AGBL4: variants seen among roughly 807,000 people sequenced by gnomAD.
AGBL4 encodes the protein AGBL carboxypeptidase 4.
In AGBL4, 58 loss-of-function variants were observed where a neutral mutation model predicts 66.4. The observed-to-expected ratio is 0.87, with a 90% CI of 0.71 to 1.09. The LOEUF is 1.09. Among genes scored for constraint, AGBL4 ranks in the 50% least tolerant of loss-of-function variants. AGBL4 has a pLI of 0.00. For synonymous variants in AGBL4, 234 were observed against 222.9 expected (o/e 1.05, Z -0.44); for missense variants, 579 against 631.0 (o/e 0.92, Z 0.88).
At chr1:49,455,760 T>C (rs1646374417) in intron 3 of AGBL4, among the ~76,000 whole-genome samples, 1 of 151,620 alleles carries the variant, frequency 6.6e-6, no homozygotes, top group South Asian at 2.1e-4. Flanking sequence ...TATCTGCCAG[T>C]CTCTTATACC....
At chr1:49,951,164 C>T (rs1656126468) in intron 1 of AGBL4, among the ~76,000 whole-genome samples, 1 of 151,730 alleles carries the variant, frequency 6.6e-6, no homozygotes, top group Admixed American at 6.6e-5. Flanking sequence ...AGCACGGTGA[C>T]TATAGTTAAT....
chr1:48,743,605 A>C (rs1650273066), intron 6 of AGBL4, among the ~76,000 whole-genome samples: 1 of 152,228 alleles, frequency 6.6e-6, no homozygotes. Context: ...CTCCCCATGC[A>C]AACATTTCAG....
intron 8 of AGBL4, among the ~76,000 whole-genome samples, chr1:48,637,753 T>A (rs964055054): frequency 2.0e-5 from 3 of 152,226 alleles, no homozygotes; most frequent in African/African-American, 7.2e-5. Context: ...TTCGTATAAA[T>A]TCCCTTTTTG....
intron 5 of AGBL4, among the ~76,000 whole-genome samples, chr1:49,012,459 T>C (rs1662513280): frequency 6.6e-6 from 1 of 152,144 alleles, no homozygotes; most frequent in African/African-American, 2.4e-5. Flanking sequence ...CTGTGGTACA[T>C]ACTTAACATA....
Position 48,953,554 on chromosome 1 carries a change from A to G in AGBL4, c.595-86324T>C, listed in dbSNP as rs1045501657. ...TGATGAGGAAGGACTCATGAAGAAG[A>G]GTATTCAAAAGTCAGAAAATATGAC... On this transcript the variant is annotated intron_variant, in intron 5 of 13. Coordinates refer to ENST00000371839, the MANE Select transcript of AGBL4 (RefSeq NM_032785.4). Among the ~76,000 whole-genome samples, 4 of 152,208 alleles carry G rather than the reference A, an allele frequency of 2.6e-5. No homozygotes were observed. The South Asian group carries it at 8.3e-4, about 32-fold the overall frequency.
chr1:48,891,059 G>C (rs1650906883), intron 5 of AGBL4, among the ~76,000 whole-genome samples: 1 of 152,130 alleles, frequency 6.6e-6, no homozygotes, highest in Non-Finnish European at 1.5e-5. Flanking sequence ...TAGGATGTGG[G>C]CTACAAATTT....
chr1:48,562,100 T>G (rs931062329), intron 11 of AGBL4, among the ~76,000 whole-genome samples: 1 of 152,336 alleles, frequency 6.6e-6, no homozygotes, highest in Middle Eastern at 3.4e-3. Flanking sequence ...GCAACCATAT[T>G]GCAGACCTTG....
chr1:49,668,858 G>T (rs1001664108), intron 3 of AGBL4, among the ~76,000 whole-genome samples: 1 of 152,082 alleles, frequency 6.6e-6, no homozygotes, highest in South Asian at 2.1e-4. Flanking sequence ...CGTTTCTTTT[G>T]TTAGACACAG....
At chr1:49,491,766 T>C (rs2148744818) in intron 3 of AGBL4, among the ~76,000 whole-genome samples, 1 of 151,996 alleles carries the variant, frequency 6.6e-6, no homozygotes, top group Non-Finnish European at 1.5e-5. Context: ...AAAATTCAGA[T>C]CTGTCTGATG....
In AGBL4 at chr1:49,926,429, C is replaced by A. The variant is rs1425855803; in HGVS notation, c.35-74911G>T. On this transcript the variant is annotated intron_variant, in intron 1 of 13. Transcript: ENST00000371839. Reference sequence around the variant, plus strand: ...AAAGCCTTCCCAAAAAGGAGGAGTACAAATAAGCCAAGATTGTGAAGACAA... The same window carrying A: ...AAAGCCTTCCCAAAAAGGAGGAGTAAAAATAAGCCAAGATTGTGAAGACAA... 5.3e-5 allele frequency among the ~76,000 whole-genome samples: 8 copies of A among 152,230 alleles called. No individual in the cohort carries two copies. The South Asian group carries it at 1.7e-3, about 32-fold the overall frequency.
intron 2 of AGBL4, among the ~76,000 whole-genome samples, chr1:49,820,281 T>C (rs1645335735): frequency 1.3e-5 from 2 of 152,144 alleles, no homozygotes; most frequent in South Asian, 4.1e-4. Flanking sequence ...TTGATATAAA[T>C]AAACTAATTT....
intron 6 of AGBL4, among the ~76,000 whole-genome samples, chr1:48,824,365 G>A (rs937225056): frequency 6.6e-6 from 1 of 152,118 alleles, no homozygotes; most frequent in Non-Finnish European, 1.5e-5. Context: ...TCTAATAAAT[G>A]GGAGTCAGTT....
intron 3 of AGBL4, among the ~76,000 whole-genome samples, chr1:49,444,499 G>A (rs1335728933): frequency 6.6e-6 from 1 of 151,900 alleles, no homozygotes; most frequent in Non-Finnish European, 1.5e-5. Flanking sequence ...TCTTCTTGCT[G>A]GATTGATTCC....
chr1:49,931,110 G>A lies in AGBL4; in HGVS notation c.35-79592C>T, dbSNP rs1208401690. Among the ~76,000 whole-genome samples the A allele has an allele frequency of 3.9e-5, 6 of 152,032 alleles. No homozygotes were observed. The East Asian group carries it at 5.8e-4, about 15-fold the overall frequency. On this transcript the variant is annotated intron_variant, in intron 1 of 13. Coordinates refer to ENST00000371839, the MANE Select transcript of AGBL4 (RefSeq NM_032785.4). The stretch of plus-strand genomic sequence containing the variant: ...AAACCAAGTTTATTTCTACATATCC[G>A]CAATGAACAATCATAAATAGAAATG...
At position 49,948,027 on chromosome 1, in the gene AGBL4, A is replaced by AATATATAAATATATATAAATAT. The variant is rs1553151826; in HGVS notation, c.34+75735_34+75736insATATTTATATATATTTATATAT. On this transcript the variant is annotated intron_variant, in intron 1 of 13. Coordinates refer to ENST00000371839, the MANE Select transcript of AGBL4 (RefSeq NM_032785.4). ...ATATATAAATATATAAATATATATA[A>AATATATAAATATATATAAATAT]ATATATATACATATAAATATATAAA... Among the ~76,000 whole-genome samples the AATATATAAATATATATAAATAT allele has an allele frequency of 1.1e-4, 8 of 75,870 alleles. 1 individual carries two copies. The highest frequency in any genetic ancestry group is 5.6e-4 in the African/African-American group (8 of 14,404). 49.8% of individuals were successfully genotyped at this position (75,870 alleles called of 152,430 possible). A position where few individuals can be genotyped will look rare whatever the true frequency, so the allele number is the denominator to read the frequency against.
rs58371729 is a variant in AGBL4, at chr1:48,536,778, C to T, written c.1365-1862G>A. ...CAGAAGCACACCTGCTCTGTTTCTT[C>T]TTCCTGTCTGATTTTGTCCCCTTTG... On this transcript the variant is annotated intron_variant, in intron 12 of 13. Coordinates refer to ENST00000371839, the MANE Select transcript of AGBL4 (RefSeq NM_032785.4). 6.7e-3 allele frequency among the ~76,000 whole-genome samples: 1,020 copies of T among 152,344 alleles called. 23 individuals are homozygous for T. The East Asian group carries it at 0.071, about 11-fold the overall frequency.
intron 6 of AGBL4, among the ~76,000 whole-genome samples, chr1:48,820,323 G>A (rs1570749019): frequency 6.6e-6 from 1 of 152,126 alleles, no homozygotes. Context: ...ATCACTCCTT[G>A]TGATGGTTAA....
chr1:49,645,490 A>C (rs879426052), intron 3 of AGBL4, among the ~76,000 whole-genome samples: 1 of 151,550 alleles, frequency 6.6e-6, no homozygotes, highest in Non-Finnish European at 1.5e-5. Context: ...TGAAACTCAC[A>C]AAAGAAGAAA....
intron 3 of AGBL4, among the ~76,000 whole-genome samples, chr1:49,414,128 C>T (rs1349978124): frequency 6.6e-6 from 1 of 151,920 alleles, no homozygotes; most frequent in Admixed American, 6.6e-5. Flanking sequence ...CCTCTAAAAC[C>T]ATATGTTTAA....
Sources: gnomAD v4.1 joint callset for allele counts (sites outside exome capture counted in the v4.1 genomes callset) on GRCh38, gnomAD v4.1.1 for gene constraint, MANE v1.5 for transcripts, NCBI Gene and HGNC (gene_info 2026-07-23, HGNC 2026-07-21) for gene names.